MACROD1: variants seen among roughly 807,000 people sequenced by gnomAD.
MACROD1 encodes the protein mono-ADP ribosylhydrolase 1, also known as ADP-ribose glycohydrolase MACROD1.
A neutral mutation model predicts 41.4 loss-of-function variants in MACROD1; 31 were observed. The observed-to-expected ratio is 0.75, with a 90% CI of 0.56 to 1.01. The LOEUF is 1.01. Among genes scored for constraint, MACROD1 ranks in the 50% least tolerant of loss-of-function variants. The probability of loss-of-function intolerance (pLI) is 0.00; values close to 1 mark genes in which losing one functional copy is unlikely to be tolerated. For synonymous variants in MACROD1, 252 were observed against 203.4 expected, an observed-to-expected ratio of 1.24 and a Z score of -2.03; for missense variants, 473 against 460.0, an observed-to-expected ratio of 1.03 and a Z score of -0.26.
At chr11:64,158,706 G>A (rs1234677509) in intron 1 of MACROD1, among the ~76,000 whole-genome samples, 1 of 139,146 alleles carries the variant, frequency 7.2e-6, no homozygotes, top group African/African-American at 2.4e-5. Context: ...CTGCCTGCCA[G>A]GGGCTGTTGG....
chr11:64,047,795 G>A (rs1943612690), intron 3 of MACROD1, among the ~76,000 whole-genome samples: 2 of 151,862 alleles, frequency 1.3e-5, no homozygotes, highest in Admixed American at 1.3e-4. Flanking sequence ...AACTCGGGAG[G>A]CTGAGGCAGG....
intron 4 of MACROD1, among the ~76,000 whole-genome samples, chr11:64,009,735 C>T (rs1942970976): frequency 6.6e-6 from 1 of 152,166 alleles, no homozygotes; most frequent in Non-Finnish European, 1.5e-5. Flanking sequence ...CCCCAGCAGC[C>T]CCTGGGGGCT....
At chr11:64,033,043 C>G (rs1943314404) in intron 3 of MACROD1, among the ~76,000 whole-genome samples, 1 of 152,178 alleles carries the variant, frequency 6.6e-6, no homozygotes, top group Non-Finnish European at 1.5e-5. Context: ...CAAGAACATC[C>G]CTCCTGCCCC....
At chr11:64,042,713 GTGCTTCA>G (rs1943511909) in intron 3 of MACROD1, among the ~76,000 whole-genome samples, 1 of 152,306 alleles carries the variant, frequency 6.6e-6, no homozygotes, top group South Asian at 2.1e-4. Flanking sequence ...TCACAGTGGG[GTGCTTCA>G]TGCCTCAGTT....
At chr11:64,048,607 C>T (rs558565337) in intron 3 of MACROD1, among the ~76,000 whole-genome samples, 2 of 152,182 alleles carry the variant, frequency 1.3e-5, no homozygotes, top group Non-Finnish European at 1.5e-5. Flanking sequence ...GCAGCCCCAG[C>T]GGAATTCTTA....
At chr11:64,023,761 A>G (rs1475255884) in intron 3 of MACROD1, among the ~76,000 whole-genome samples, 1 of 151,890 alleles carries the variant, frequency 6.6e-6, no homozygotes, top group African/African-American at 2.4e-5. Flanking sequence ...ACACACCTCC[A>G]GGTGCCCCCT....
rs751075753 is a variant in MACROD1, at chr11:64,090,209, G to A, written c.517+61030C>T. Among the ~76,000 whole-genome samples the A allele has an allele frequency of 2.0e-5, 3 of 152,196 alleles. No homozygotes were observed. Among genetic ancestry groups the A allele is most frequent in the Non-Finnish European group, 2.9e-5 (2 of 68,026 alleles). On this transcript the variant is annotated intron_variant, in intron 3 of 10. Coordinates refer to ENST00000255681, the MANE Select transcript of MACROD1 (RefSeq NM_014067.4). The surrounding 1 kb of genome is among the most constrained non-coding windows in gnomAD (Gnocchi z 4.7). ...CCCGAACAGCCTGAGTCCACAGGGT[G>A]ACAGGGTGTGGGAAAGGCCAACGGG...
chr11:64,133,166 A>G (rs1295813233), intron 3 of MACROD1, among the ~76,000 whole-genome samples: 3 of 152,166 alleles, frequency 2.0e-5, no homozygotes, highest in Non-Finnish European at 4.4e-5. Flanking sequence ...AGATGCACGG[A>G]GCCCCCACGC....
At chr11:64,013,865 G>A (rs888168055) in intron 4 of MACROD1, among the ~76,000 whole-genome samples, 2 of 152,046 alleles carry the variant, frequency 1.3e-5, no homozygotes, top group African/African-American at 2.4e-5. Flanking sequence ...AGCACTCTTC[G>A]CTGGGCTCAT....
chr11:64,007,453 T>G (rs1942932042), intron 4 of MACROD1, among the ~76,000 whole-genome samples: 1 of 150,564 alleles, frequency 6.6e-6, no homozygotes, highest in Non-Finnish European at 1.5e-5. Context: ...GGGAGGAGAG[T>G]CCGGGATGAG....
chr11:64,084,442 C>T (rs931106523), intron 3 of MACROD1, among the ~76,000 whole-genome samples: 1 of 151,962 alleles, frequency 6.6e-6, no homozygotes, highest in African/African-American at 2.4e-5. Context: ...GCACTGTGGG[C>T]AGGCGCTGTG....
chr11:64,019,557 G>T (rs1181152430), intron 3 of MACROD1, among the ~76,000 whole-genome samples: 1 of 152,222 alleles, frequency 6.6e-6, no homozygotes, highest in African/African-American at 2.4e-5. Context: ...GCTCAGAAAC[G>T]ACAGGTCACA....
chr11:64,048,423 C>T (rs536417395), intron 3 of MACROD1, among the ~76,000 whole-genome samples: 1 of 152,274 alleles, frequency 6.6e-6, no homozygotes, highest in East Asian at 1.9e-4. Context: ...CTGGACCCTC[C>T]GTTGGCCTGG....
At chr11:63,998,775 C>CG (rs1447794768) in intron 10 of MACROD1, 63 bp downstream of exon 10, 135 of 1,441,932 alleles carry the variant, frequency 9.4e-5, no homozygotes, top group Admixed American at 1.7e-4. Context: ...TGGGGGTGAG[C>CG]GGGGGTTAGT....
At chr11:64,009,334 G>A (rs1369578834) in intron 4 of MACROD1, among the ~76,000 whole-genome samples, 2 of 152,208 alleles carry the variant, frequency 1.3e-5, no homozygotes, top group Non-Finnish European at 2.9e-5. Context: ...GGGTCTGTCG[G>A]GAAGGCTGGC....
chr11:64,034,629 G>A (rs1001825226), intron 3 of MACROD1, among the ~76,000 whole-genome samples: 4 of 152,216 alleles, frequency 2.6e-5, no homozygotes, highest in East Asian at 1.9e-4. Flanking sequence ...AGGGAAAGGA[G>A]GGGGAGAGGT....
intron 4 of MACROD1, 81 bp downstream of exon 4, chr11:64,015,171 G>A (rs151070500): frequency 5.7e-6 from 8 of 1,413,754 alleles, no homozygotes; most frequent in African/African-American, 2.9e-5. Flanking sequence ...GATGGGCACC[G>A]AGGGCGAGGG....
chr11:64,116,414 C>T (rs765574524), intron 3 of MACROD1: 7 of 1,613,872 alleles, frequency 4.3e-6, no homozygotes, highest in East Asian at 4.5e-5. Context: ...CGGAGGTCAT[C>T]GACAGCACCA....
intron 4 of MACROD1, among the ~76,000 whole-genome samples, chr11:64,002,816 T>G (rs1374289336): frequency 6.6e-6 from 1 of 152,106 alleles, no homozygotes; most frequent in Non-Finnish European, 1.5e-5. Flanking sequence ...GGGGTCCCAT[T>G]CAGGGGAGAT....
Sources: gnomAD v4.1 joint callset for allele counts (sites outside exome capture counted in the v4.1 genomes callset) on GRCh38, gnomAD v4.1.1 for gene constraint, Gnocchi (gnomAD v3.1) non-coding constraint, MANE v1.5 for transcripts, NCBI Gene and HGNC (gene_info 2026-07-23, HGNC 2026-07-21) for gene names.